CECR2: variants seen among roughly 807,000 people sequenced by gnomAD.
CECR2 encodes chromatin remodeling regulator CECR2.
A neutral mutation model predicts 154.5 loss-of-function variants in CECR2; 30 were observed. The ratio of observed to expected loss-of-function variants is 0.19; its 90% CI spans 0.15 to 0.26. The LOEUF is 0.26. CECR2 is among the 10% of genes least tolerant of loss of function. The pLI is 1.00. For synonymous variants in CECR2, 725 were observed against 683.7 expected (o/e 1.06, Z -0.94); for missense variants, 1,743 against 1,829.3 (o/e 0.95, Z 0.86).
intron 4 of CECR2, among the ~76,000 whole-genome samples, chr22:17,499,968 C>G (rs1023938983): frequency 2.0e-5 from 3 of 151,902 alleles, no homozygotes; most frequent in Admixed American, 6.5e-5. Flanking sequence ...TCCCAGCACT[C>G]TGGGAGGCCG....
At chr22:17,541,470 TTATTG>T (rs1205912441) in intron 14 of CECR2, among the ~76,000 whole-genome samples, 1 of 152,142 alleles carries the variant, frequency 6.6e-6, no homozygotes. Context: ...AATGTAATCT[TTATTG>T]TATAAAGCAC....
chr22:17,551,240 A>AG (rs561988704), intron 17 of CECR2, among the ~76,000 whole-genome samples: 32 of 152,328 alleles, frequency 2.1e-4, no homozygotes, highest in South Asian at 1.0e-3. Context: ...ACCACACTCA[A>AG]GGCAAATAAC....
chr22:17,520,777 G>C (rs2056144752), intron 8 of CECR2, among the ~76,000 whole-genome samples: 1 of 152,142 alleles, frequency 6.6e-6, no homozygotes, highest in African/African-American at 2.4e-5. Flanking sequence ...TTTTTGGGCT[G>C]CATAGTATTC....
intron 1 of CECR2, among the ~76,000 whole-genome samples, chr22:17,430,337 C>T (rs772420671): frequency 1.3e-5 from 2 of 152,076 alleles, no homozygotes; most frequent in African/African-American, 2.4e-5. Context: ...ATAGAAAGGG[C>T]CCTACCTTTC....
At chr22:17,447,717 TA>T (rs934386200) in intron 1 of CECR2, among the ~76,000 whole-genome samples, 10 of 152,038 alleles carry the variant, frequency 6.6e-5, no homozygotes, top group African/African-American at 2.4e-4. Context: ...CATTAGGATC[TA>T]AAAAGTTCTC....
chr22:17,544,735 G>A (rs937284980), intron 16 of CECR2, among the ~76,000 whole-genome samples: 2 of 147,652 alleles, frequency 1.4e-5, no homozygotes, highest in African/African-American at 2.5e-5. Flanking sequence ...ACTTGAACCC[G>A]GGAGGCGGAG....
At chr22:17,533,800 T>G (rs2056396613) in intron 9 of CECR2, among the ~76,000 whole-genome samples, 1 of 150,740 alleles carries the variant, frequency 6.6e-6, no homozygotes, top group Admixed American at 6.6e-5. Flanking sequence ...CACCGCAACC[T>G]CCGCCTCTGG....
In CECR2 at chr22:17,502,808, A is replaced by C. The variant is rs58032771; in HGVS notation, c.651-274A>C. Among the ~76,000 whole-genome samples the C allele has an allele frequency of 5.9e-3, 893 of 152,284 alleles. 10 individuals are homozygous for C. The highest frequency in any genetic ancestry group is 0.02 in the African/African-American group (846 of 41,548). ...ACAGGGCAAGACTCCGTCTCAAAAA[A>C]ATAAAAATAAAAAATAAAAGTTACT... On this transcript the variant is annotated intron_variant, in intron 5 of 18. Coordinates refer to ENST00000262608, the MANE Select transcript of CECR2 (RefSeq NM_001290047.2).
Position 17,548,238 on chromosome 22 carries a change from C to A in CECR2, c.2951C>A (p.Pro984His). 1 of 1,599,256 alleles carries A rather than the reference C, an allele frequency of 6.3e-7. No homozygotes were observed. The highest frequency in any genetic ancestry group is 1.1e-5 in the South Asian group (1 of 88,598). Residue 984 changes from proline (P) to histidine (H), a missense_variant, in exon 17 of 19, where the codon CCC becomes CAC. Around this residue, in one of 4 missense-constraint regions of CECR2, gnomAD observed 1,250 missense variants for 1,192.1 expected, o/e 1.05. Coordinates refer to ENST00000262608, the MANE Select transcript of CECR2 (RefSeq NM_001290047.2). Reference protein sequence around the residue: ...YLTQLPHPTPPLQTDCTRQSS... With the variant: ...YLTQLPHPTPHLQTDCTRQSS... ...ACACAACTACCTCACCCCACACCTC[C>A]CCTGCAGACTGACTGCACCAGGCAG...
intron 17 of CECR2, among the ~76,000 whole-genome samples, 160 bp from the exon 18 acceptor site, chr22:17,551,871 G>C (rs886352121): frequency 2.0e-5 from 3 of 152,162 alleles, no homozygotes; most frequent in Non-Finnish European, 2.9e-5. Context: ...GCCACTTACT[G>C]CCCCAGGGGG....
At chr22:17,380,035 G>T (rs1465596305) in intron 1 of CECR2, among the ~76,000 whole-genome samples, 2 of 151,316 alleles carry the variant, frequency 1.3e-5, no homozygotes, top group Non-Finnish European at 2.9e-5. Flanking sequence ...TATCTCTTTG[G>T]CTGGGAACTA....
intron 8 of CECR2, among the ~76,000 whole-genome samples, chr22:17,515,353 C>T (rs941055557): frequency 3.9e-5 from 6 of 152,138 alleles, no homozygotes; most frequent in Admixed American, 6.5e-5. Context: ...CACAGCTGGG[C>T]GTGGCCGGTG....
intron 9 of CECR2, among the ~76,000 whole-genome samples, chr22:17,525,282 T>G (rs1411105855): frequency 9.8e-5 from 1 of 10,238 alleles, no homozygotes. Flanking sequence ...TGAAACTCCA[T>G]CTCCAAAAAA....
chr22:17,516,010 A>G (rs1372327036), intron 8 of CECR2, among the ~76,000 whole-genome samples: 2 of 152,148 alleles, frequency 1.3e-5, no homozygotes, highest in African/African-American at 4.8e-5. Flanking sequence ...TGGGGGGCGT[A>G]AGTCAAATGG....
At position 17,503,185 on chromosome 22, in the gene CECR2, G is replaced by T. The variant is rs958038735; in HGVS notation, c.700+54G>T. The T allele has an allele frequency of 1.3e-5, 20 of 1,498,978 alleles. No individual in the cohort carries two copies. In the East Asian group the frequency reaches 4.4e-4, roughly 33 times the overall value. 92.9% of individuals were successfully genotyped at this position (1,498,978 alleles called of 1,614,324 possible). On this transcript the variant is annotated intron_variant, in intron 6 of 18. Coordinates refer to ENST00000262608, the MANE Select transcript of CECR2 (RefSeq NM_001290047.2). ...AATTAAATAAATATGATTCATTTAT[G>T]CTAGGGTGTTGACTCTTTTTCTAGA...
chr22:17,518,746 C>T (rs962721310), intron 8 of CECR2: 6 of 379,224 alleles, frequency 1.6e-5, no homozygotes, highest in African/African-American at 2.2e-5. Context: ...CTTCTTAACA[C>T]CTCTGCCTTC....
chr22:17,388,196 C>T (rs1241792130), intron 1 of CECR2, among the ~76,000 whole-genome samples: 4 of 152,116 alleles, frequency 2.6e-5, no homozygotes, highest in Non-Finnish European at 2.9e-5. Context: ...TCAGGTGATC[C>T]GCCCGCCTCA....
chr22:17,371,412 CA>C (rs556888458), intron 1 of CECR2, among the ~76,000 whole-genome samples: 188 of 152,178 alleles, frequency 1.2e-3, no homozygotes, highest in Admixed American at 2.6e-3. Context: ...CGTTTGTTTT[CA>C]AAGTTTGAAC....
At chr22:17,383,996 C>G (rs1203782896) in intron 1 of CECR2, among the ~76,000 whole-genome samples, 2 of 152,040 alleles carry the variant, frequency 1.3e-5, no homozygotes, top group South Asian at 2.1e-4. Context: ...AATTCTATTT[C>G]TTTTGCTGTA....
Sources: gnomAD v4.1 joint callset for allele counts (sites outside exome capture counted in the v4.1 genomes callset) on GRCh38, gnomAD v4.1.1 for gene constraint, gnomAD v4.1.1 regional missense constraint, MANE v1.5 for transcripts, NCBI Gene and HGNC (gene_info 2026-07-23, HGNC 2026-07-21) for gene names.